TNR: variants seen among roughly 807,000 people sequenced by gnomAD.
TNR encodes the protein tenascin-R.
In TNR, 45 loss-of-function variants were observed where a neutral mutation model predicts 150.4. That is an observed-to-expected ratio of 0.30 (90% confidence interval 0.24 to 0.38). The LOEUF is 0.38. Among genes scored for constraint, TNR ranks in the 10% least tolerant of loss-of-function variants. The probability of loss-of-function intolerance (pLI) is 1.00; values close to 1 mark genes in which losing one functional copy is unlikely to be tolerated. For missense variants in TNR, 1,544 were observed against 1,759.1 expected, an observed-to-expected ratio of 0.88 and a Z score of 2.19; for synonymous variants, 687 against 678.4, an observed-to-expected ratio of 1.01 and a Z score of -0.20.
At chr1:175,489,948 G>T (rs1232347252) in intron 2 of TNR, among the ~76,000 whole-genome samples, 2 of 152,070 alleles carry the variant, frequency 1.3e-5, no homozygotes, top group African/African-American at 4.8e-5. Context: ...AAAGCTGGAG[G>T]CATCATGTTA....
At chr1:175,426,911 T>G (rs1655007987) in intron 2 of TNR, among the ~76,000 whole-genome samples, 1 of 80,450 alleles carries the variant, frequency 1.2e-5, no homozygotes, top group Admixed American at 1.3e-4. Flanking sequence ...ATATATTATA[T>G]ATATAAAATA....
intron 2 of TNR, among the ~76,000 whole-genome samples, chr1:175,494,353 C>A (rs1340712369): frequency 6.6e-6 from 1 of 152,216 alleles, no homozygotes; most frequent in African/African-American, 2.4e-5. Flanking sequence ...ATTCATAGTC[C>A]CCGGCACCAG....
intron 2 of TNR, among the ~76,000 whole-genome samples, chr1:175,508,326 A>C (rs984449034): frequency 1.3e-5 from 2 of 152,226 alleles, no homozygotes; most frequent in African/African-American, 4.8e-5. Context: ...GAAGAACCCT[A>C]GATACAGCCC....
chr1:175,614,579 T>TATC (rs1328498204), intron 1 of TNR, among the ~76,000 whole-genome samples: 1 of 152,204 alleles, frequency 6.6e-6, no homozygotes, highest in African/African-American at 2.4e-5. Context: ...TCTGGGAACA[T>TATC]ATCATCATCA....
chr1:175,525,577 T>C (rs1382641213), intron 2 of TNR, among the ~76,000 whole-genome samples: 1 of 152,246 alleles, frequency 6.6e-6, no homozygotes, highest in Non-Finnish European at 1.5e-5. Flanking sequence ...GGGTGAGTTT[T>C]GGACTGGCAG....
At chr1:175,482,262 C>G (rs1238546283) in intron 2 of TNR, among the ~76,000 whole-genome samples, 1 of 152,170 alleles carries the variant, frequency 6.6e-6, no homozygotes, top group African/African-American at 2.4e-5. Context: ...ACCTATTTAA[C>G]TGTCATATTA....
intron 16 of TNR, 135 bp downstream of exon 16, chr1:175,356,184 A>T: frequency 8.2e-7 from 1 of 1,224,434 alleles, no homozygotes; most frequent in Non-Finnish European, 1.1e-6. Flanking sequence ...TTTGGGCTGT[A>T]GTCAGTCCAA....
At chr1:175,653,791 G>C (rs889765723) in intron 1 of TNR, among the ~76,000 whole-genome samples, 1 of 152,174 alleles carries the variant, frequency 6.6e-6, no homozygotes, top group Non-Finnish European at 1.5e-5. Context: ...GATTTATTCT[G>C]AGCAAATTAA....
chr1:175,548,522 C>G (rs1371700982), intron 1 of TNR, among the ~76,000 whole-genome samples: 1 of 152,070 alleles, frequency 6.6e-6, no homozygotes, highest in East Asian at 1.9e-4. Context: ...TCAGTCTCGT[C>G]CCTCTTCCTA....
intron 1 of TNR, among the ~76,000 whole-genome samples, chr1:175,606,376 A>G (rs1663403599): frequency 6.6e-6 from 1 of 152,236 alleles, no homozygotes; most frequent in Non-Finnish European, 1.5e-5. Context: ...AATGCAAAAT[A>G]TGATCGACTG....
At chr1:175,487,743 T>C (rs1658074575) in intron 2 of TNR, among the ~76,000 whole-genome samples, 1 of 152,224 alleles carries the variant, frequency 6.6e-6, no homozygotes, top group Non-Finnish European at 1.5e-5. Flanking sequence ...ATTGTTCAGG[T>C]AAAGCATTTT....
intron 1 of TNR, among the ~76,000 whole-genome samples, chr1:175,577,367 A>C (rs1384856216): frequency 1.3e-5 from 2 of 152,070 alleles, no homozygotes; most frequent in Non-Finnish European, 2.9e-5. Context: ...CTTTTACTTG[A>C]CCAAGTGACC....
chr1:175,729,368 C>T (rs1667566713), intron 1 of TNR, among the ~76,000 whole-genome samples: 1 of 152,014 alleles, frequency 6.6e-6, no homozygotes, highest in African/African-American at 2.4e-5. Context: ...TTAAATAAGC[C>T]ACAGTTAGAG....
At chr1:175,505,319 G>A (rs1658912618) in intron 2 of TNR, among the ~76,000 whole-genome samples, 1 of 152,262 alleles carries the variant, frequency 6.6e-6, no homozygotes, top group Non-Finnish European at 1.5e-5. Flanking sequence ...CCCCGGCGAG[G>A]CAGGAGCGGG....
intron 1 of TNR, among the ~76,000 whole-genome samples, chr1:175,576,133 G>C (rs1662100400): frequency 6.6e-6 from 1 of 152,202 alleles, no homozygotes; most frequent in Non-Finnish European, 1.5e-5. Flanking sequence ...GCACTGCTGT[G>C]GTAGGATGGC....
At chr1:175,665,869 G>T (rs1665519411) in intron 1 of TNR, among the ~76,000 whole-genome samples, 1 of 152,082 alleles carries the variant, frequency 6.6e-6, no homozygotes, top group Non-Finnish European at 1.5e-5. Flanking sequence ...ATGGAACAAG[G>T]GACAGGTATG....
chr1:175,695,947 T>C (rs1326080255), intron 1 of TNR, among the ~76,000 whole-genome samples: 1 of 151,826 alleles, frequency 6.6e-6, no homozygotes. Context: ...GTTGGATGGA[T>C]GGAAGGATGG....
At chr1:175,416,693 C>A (rs1345709013) in intron 2 of TNR, among the ~76,000 whole-genome samples, 1 of 152,148 alleles carries the variant, frequency 6.6e-6, no homozygotes, top group Non-Finnish European at 1.5e-5. Flanking sequence ...CTCCTTAGAA[C>A]AGATTGAGAA....
At chr1:175,511,760 C>T (rs139244460) in intron 2 of TNR, among the ~76,000 whole-genome samples, 2 of 152,350 alleles carry the variant, frequency 1.3e-5, no homozygotes, top group East Asian at 3.9e-4. Flanking sequence ...TGACAAATCT[C>T]TCAGTTCCCC....
Sources: gnomAD v4.1 joint callset for allele counts (sites outside exome capture counted in the v4.1 genomes callset) on GRCh38, gnomAD v4.1.1 for gene constraint, MANE v1.5 for transcripts, NCBI Gene and HGNC (gene_info 2026-07-23, HGNC 2026-07-21) for gene names.